Variants in GRID2 observed in about 807,000 individuals in gnomAD.
The protein encoded by GRID2 is glutamate receptor ionotropic, delta-2.
In GRID2, 33 loss-of-function variants were observed where a neutral mutation model predicts 114.8. The ratio of observed to expected loss-of-function variants is 0.29; its 90% CI spans 0.22 to 0.38. GRID2 has a LOEUF of 0.38. GRID2 is among the 10% of genes least tolerant of loss of function. The pLI is 1.00. For missense variants in GRID2, 1,184 were observed against 1,257.7 expected, an observed-to-expected ratio of 0.94 and a Z score of 0.89; for synonymous variants, 505 against 449.9, an observed-to-expected ratio of 1.12 and a Z score of -1.55.
intron 1 of GRID2, among the ~76,000 whole-genome samples, chr4:92,406,006 A>G (rs573766440): frequency 5.9e-5 from 9 of 152,302 alleles, no homozygotes; most frequent in African/African-American, 2.2e-4. Flanking sequence ...GTTCAAGGGC[A>G]GGAAGTATCC....
At chr4:93,785,628 C>A (rs980911156) in intron 1 of GRID2, among the ~76,000 whole-genome samples, 1 of 152,156 alleles carries the variant, frequency 6.6e-6, no homozygotes, top group Non-Finnish European at 1.5e-5. Context: ...AATACAAATT[C>A]TTTAAGAAGT....
chr4:93,470,194 CACAA>C (rs1198862618), intron 11 of GRID2, among the ~76,000 whole-genome samples: 13 of 152,152 alleles, frequency 8.5e-5, no homozygotes, highest in Middle Eastern at 3.4e-3. Context: ...TGAATCTGGC[CACAA>C]ACAATGTCCA....
chr4:93,733,897 A>C lies in GRID2; in HGVS notation c.2361-35313A>C, dbSNP rs149678991. 3.0e-3 allele frequency among the ~76,000 whole-genome samples: 452 copies of C among 152,238 alleles called. 1 individual carries two copies. The highest frequency in any genetic ancestry group is 0.01 in the African/African-American group (435 of 41,564). ...GAATGCCCCAGGCCACAGAGCAAGC[A>C]GCAAAGCTATTTTATTAACCTTAAT... On this transcript the variant is annotated intron_variant, in intron 14 of 15. Coordinates refer to ENST00000282020, the MANE Select transcript of GRID2 (RefSeq NM_001510.4).
intron 8 of GRID2, among the ~76,000 whole-genome samples, chr4:93,275,274 T>C (rs1458648007): frequency 6.6e-6 from 1 of 151,904 alleles, no homozygotes; most frequent in African/African-American, 2.4e-5. Flanking sequence ...TAAATAATAT[T>C]CCATTGTCTA....
At chr4:92,343,039 A>G (rs1422547937) in intron 1 of GRID2, among the ~76,000 whole-genome samples, 1 of 152,198 alleles carries the variant, frequency 6.6e-6, no homozygotes, top group Admixed American at 6.5e-5. Flanking sequence ...AGTATTCCCT[A>G]TAGTCCTATG....
intron 2 of GRID2, among the ~76,000 whole-genome samples, chr4:92,800,153 A>G (rs948187183): frequency 5.9e-5 from 9 of 151,776 alleles, no homozygotes; most frequent in Non-Finnish European, 4.4e-5. Context: ...TCAGCAATTT[A>G]TTTAACGTGA....
intron 1 of GRID2, among the ~76,000 whole-genome samples, chr4:92,565,292 C>A (rs961456184): frequency 1.3e-5 from 2 of 151,908 alleles, no homozygotes. Flanking sequence ...AGGCTGGAAA[C>A]AATATAAACA....
intron 11 of GRID2, among the ~76,000 whole-genome samples, chr4:93,473,995 A>G (rs1017744479): frequency 1.3e-5 from 2 of 152,156 alleles, no homozygotes; most frequent in African/African-American, 4.8e-5. Context: ...TTTTGTTTGC[A>G]TGTACAATTT....
chr4:92,840,695 CCTT>C (rs1485882869), intron 2 of GRID2, among the ~76,000 whole-genome samples: 4 of 152,010 alleles, frequency 2.6e-5, no homozygotes, highest in Non-Finnish European at 5.9e-5. Flanking sequence ...ATATGTCCTT[CCTT>C]CTTCTATGCT....
At chr4:93,409,934 A>G (rs1766941500) in intron 9 of GRID2, among the ~76,000 whole-genome samples, 3 of 152,202 alleles carry the variant, frequency 2.0e-5, no homozygotes. Flanking sequence ...TGTCTCTAGA[A>G]GTTTAGAGAG....
intron 9 of GRID2, among the ~76,000 whole-genome samples, chr4:93,401,296 G>T (rs1009539335): frequency 6.6e-6 from 1 of 151,956 alleles, no homozygotes; most frequent in Non-Finnish European, 1.5e-5. Context: ...GAAGTCTATA[G>T]TAAAGACTGT....
chr4:92,580,834 A>G (rs753797806), intron 1 of GRID2, among the ~76,000 whole-genome samples: 1 of 151,790 alleles, frequency 6.6e-6, no homozygotes, highest in Non-Finnish European at 1.5e-5. Flanking sequence ...AATATCTGCA[A>G]CTTTTCTCCA....
chr4:92,887,373 GT>G (rs1480630747), intron 2 of GRID2, among the ~76,000 whole-genome samples: 1 of 152,142 alleles, frequency 6.6e-6, no homozygotes, highest in Non-Finnish European at 1.5e-5. Context: ...GTTTTGTTTT[GT>G]TTTTTATCAG....
intron 1 of GRID2, among the ~76,000 whole-genome samples, chr4:92,581,638 G>A (rs930690251): frequency 3.9e-5 from 6 of 152,060 alleles, no homozygotes; most frequent in Non-Finnish European, 7.4e-5. Context: ...TTCACACTAT[G>A]AGCAAATGTC....
chr4:93,612,245 T>A (rs1201636507), intron 13 of GRID2, among the ~76,000 whole-genome samples: 14 of 149,312 alleles, frequency 9.4e-5, no homozygotes, highest in African/African-American at 3.2e-4. Context: ...AGCACACTGA[T>A]GGGTCTTGAC....
chr4:92,976,079 C>T (rs1753853233), intron 2 of GRID2, among the ~76,000 whole-genome samples: 1 of 151,638 alleles, frequency 6.6e-6, no homozygotes, highest in African/African-American at 2.4e-5. Flanking sequence ...AGAGAATATC[C>T]AGTTTTCAAT....
intron 1 of GRID2, among the ~76,000 whole-genome samples, chr4:92,333,640 C>T (rs1042262324): frequency 2.6e-5 from 4 of 152,096 alleles, no homozygotes; most frequent in Admixed American, 2.0e-4. Flanking sequence ...AATTTTTCTC[C>T]ATTTGCATCT....
chr4:93,723,796 C>T (rs1729599706), intron 14 of GRID2, among the ~76,000 whole-genome samples: 1 of 152,190 alleles, frequency 6.6e-6, no homozygotes, highest in Non-Finnish European at 1.5e-5. Flanking sequence ...TTGAGTAAGA[C>T]ATAAACCCTG....
chr4:92,530,522 A>G (rs1181347175), intron 1 of GRID2, among the ~76,000 whole-genome samples: 3 of 151,454 alleles, frequency 2.0e-5, no homozygotes, highest in African/African-American at 7.3e-5. Flanking sequence ...AAAAAAAAAA[A>G]AAAGAGAGAC....
Sources: allele counts gnomAD v4.1 joint callset (sites outside exome capture counted in the v4.1 genomes callset), GRCh38; gene constraint gnomAD v4.1.1; transcripts MANE v1.5; gene names NCBI Gene and HGNC (gene_info 2026-07-23, HGNC 2026-07-21).